The following MTX2 variants were observed in gnomAD, a reference collection of about 807,000 sequenced individuals.
The protein encoded by MTX2 is metaxin 2.
In MTX2, 35 loss-of-function variants were observed where a neutral mutation model predicts 42.3. The observed-to-expected ratio is 0.83, with a 90% CI of 0.63 to 1.10. The LOEUF is 1.10. Among genes scored for constraint, MTX2 ranks in the 50% least tolerant of loss-of-function variants. The pLI, the probability that MTX2 is intolerant of heterozygous loss-of-function variation, is 0.00. For synonymous variants in MTX2, 119 were observed against 100.9 expected, an observed-to-expected ratio of 1.18 and a Z score of -1.08; for missense variants, 307 against 304.1, an observed-to-expected ratio of 1.01 and a Z score of -0.07.
intron 1 of MTX2, among the ~76,000 whole-genome samples, chr2:176,285,369 T>G (rs1186166939): frequency 6.6e-6 from 1 of 152,098 alleles, no homozygotes; most frequent in Non-Finnish European, 1.5e-5. Flanking sequence ...AGATTTATAA[T>G]TCAGTGATTT....
chr2:176,272,683 A>G (rs1400947398), intron 1 of MTX2, among the ~76,000 whole-genome samples: 2 of 152,162 alleles, frequency 1.3e-5, no homozygotes, highest in African/African-American at 2.4e-5. Flanking sequence ...TCTATTTTGT[A>G]TGAACTCATG....
chr2:176,294,101 TATTCACC>T (rs1456140877), intron 1 of MTX2, among the ~76,000 whole-genome samples: 1 of 152,158 alleles, frequency 6.6e-6, no homozygotes, highest in Non-Finnish European at 1.5e-5. Context: ...TTGAGTGAAA[TATTCACC>T]CTTTTCACCT....
At chr2:176,270,791 A>C (rs1008095366) in intron 1 of MTX2, among the ~76,000 whole-genome samples, 3 of 152,074 alleles carry the variant, frequency 2.0e-5, no homozygotes, top group African/African-American at 7.2e-5. Context: ...GAAAGTAGGG[A>C]TCAAACTTGT....
intron 3 of MTX2, among the ~76,000 whole-genome samples, chr2:176,308,381 T>A (rs192885925): frequency 1.1e-3 from 172 of 152,326 alleles, no homozygotes; most frequent in African/African-American, 3.9e-3. Flanking sequence ...GTTGTGTCTC[T>A]GCCAGGCTCT....
intron 9 of MTX2, among the ~76,000 whole-genome samples, chr2:176,334,145 T>C (rs538010390): frequency 9.2e-5 from 14 of 151,926 alleles, no homozygotes; most frequent in Admixed American, 4.6e-4. Context: ...TGGATATATA[T>C]TTGCAACAAA....
chr2:176,302,723 C>T (rs1225279055), intron 3 of MTX2, among the ~76,000 whole-genome samples: 1 of 152,110 alleles, frequency 6.6e-6, no homozygotes, highest in Non-Finnish European at 1.5e-5. Context: ...CAGGTGTGAG[C>T]CACTGCACCT....
intron 3 of MTX2, among the ~76,000 whole-genome samples, chr2:176,311,405 G>A (rs1331943000): frequency 6.6e-6 from 1 of 152,200 alleles, no homozygotes; most frequent in Non-Finnish European, 1.5e-5. Context: ...GAGCTCAAAC[G>A]CTGTGGTGGG....
chr2:176,299,135 A>AT (rs1290728851), intron 3 of MTX2, among the ~76,000 whole-genome samples: 2 of 152,122 alleles, frequency 1.3e-5, no homozygotes, highest in African/African-American at 4.8e-5. Flanking sequence ...ATTTGACAAT[A>AT]TTTAAGTGTT....
At chr2:176,299,333 T>A (rs1683968492) in intron 3 of MTX2, among the ~76,000 whole-genome samples, 1 of 152,086 alleles carries the variant, frequency 6.6e-6, no homozygotes, top group South Asian at 2.1e-4. Flanking sequence ...CAGTTTTCAG[T>A]ACAAACCAAA....
At chr2:176,315,593 A>C (rs113908323) in intron 3 of MTX2, among the ~76,000 whole-genome samples, 140 of 152,270 alleles carry the variant, frequency 9.2e-4, no homozygotes, top group African/African-American at 3.2e-3. Context: ...GATTACAGCA[A>C]TCCCCAGCTC....
intron 3 of MTX2, among the ~76,000 whole-genome samples, chr2:176,298,650 A>G (rs1242178974): frequency 6.6e-6 from 1 of 152,148 alleles, no homozygotes; most frequent in Non-Finnish European, 1.5e-5. Flanking sequence ...CTGAGCATGT[A>G]GACTGTATCC....
At chr2:176,323,273 T>C in intron 3 of MTX2, 119 bp from the exon 4 acceptor site, 7 of 807,540 alleles carry the variant, frequency 8.7e-6, no homozygotes, top group Middle Eastern at 7.6e-4. Flanking sequence ...TGGTTCATTG[T>C]TTTCTATTAG....
chr2:176,285,557 C>G (rs181023858), intron 1 of MTX2, among the ~76,000 whole-genome samples: 71 of 151,882 alleles, frequency 4.7e-4, no homozygotes, highest in African/African-American at 1.5e-3. Flanking sequence ...GAGTCAACCA[C>G]TGGTCTACTC....
intron 3 of MTX2, among the ~76,000 whole-genome samples, chr2:176,320,978 T>C (rs183378210): frequency 7.2e-5 from 11 of 152,164 alleles, no homozygotes; most frequent in Admixed American, 2.0e-4. Flanking sequence ...AGATTACAGG[T>C]GTGAGCCACT....
intron 3 of MTX2, among the ~76,000 whole-genome samples, chr2:176,317,302 A>G (rs1427946031): frequency 6.6e-6 from 1 of 151,986 alleles, no homozygotes; most frequent in African/African-American, 2.4e-5. Flanking sequence ...ATACTTGTAC[A>G]TACCTTATAG....
chr2:176,275,080 C>T (rs921665117), intron 1 of MTX2, among the ~76,000 whole-genome samples: 1 of 152,030 alleles, frequency 6.6e-6, no homozygotes, highest in Non-Finnish European at 1.5e-5. Flanking sequence ...GCAGTGCTTA[C>T]GTAAACATAT....
At chr2:176,278,190 A>G (rs1692995183) in intron 1 of MTX2, among the ~76,000 whole-genome samples, 1 of 151,450 alleles carries the variant, frequency 6.6e-6, no homozygotes, top group African/African-American at 2.4e-5. Context: ...AGCTGGGATT[A>G]TAGGTGCCCA....
intron 3 of MTX2, among the ~76,000 whole-genome samples, chr2:176,314,410 C>T (rs1027793359): frequency 2.0e-5 from 3 of 151,198 alleles, no homozygotes; most frequent in Non-Finnish European, 4.4e-5. Context: ...GCACTCCAGC[C>T]TGGGTGACAG....
At position 176,337,532 on chromosome 2, in the gene MTX2, C is replaced by T. The variant is rs762629015; in HGVS notation, c.660C>T (p.Tyr220=). The part of the protein sequence containing the change: ...ELDALVFGHL[Y]TILTTQLTND... ...ACGCACTGGTATTTGGCCATCTATA[C>T]ACCATTCTTACCACACAATTGACAA... Residue 220 remains tyrosine, a synonymous_variant, in exon 10 of 10, where the codon TAC becomes TAT. Transcript: ENST00000249442. The T allele has an allele frequency of 6.2e-7, 1 of 1,612,652 alleles. No homozygotes were observed. The highest frequency in any genetic ancestry group is 1.1e-5 in the South Asian group (1 of 90,846).
Sources: allele counts gnomAD v4.1 joint callset (sites outside exome capture counted in the v4.1 genomes callset), GRCh38; gene constraint gnomAD v4.1.1; transcripts MANE v1.5; gene names NCBI Gene and HGNC (gene_info 2026-07-23, HGNC 2026-07-21).